Variants in ARMC6 observed in about 807,000 individuals in gnomAD.
The protein encoded by ARMC6 is armadillo repeat-containing protein 6.
A neutral mutation model predicts 49.2 loss-of-function variants in ARMC6; 43 were observed. That is an observed-to-expected ratio of 0.87 (90% CI 0.69 to 1.13). The LOEUF is 1.13. ARMC6 is among the 50% of genes most tolerant of loss of function. The pLI is 0.00. For missense variants in ARMC6, 627 were observed against 682.0 expected, an observed-to-expected ratio of 0.92 and a Z score of 0.90; for synonymous variants, 262 against 289.6, an observed-to-expected ratio of 0.90 and a Z score of 0.97.
At chr19:19,045,426 A>G (rs1217046646) in intron 4 of ARMC6, among the ~76,000 whole-genome samples, 1 of 151,596 alleles carries the variant, frequency 6.6e-6, no homozygotes, top group African/African-American at 2.4e-5. Context: ...CTCAATAACA[A>G]TATCGTCTAT....
chr19:19,054,761 C>T lies in ARMC6; in HGVS notation c.1023+440C>T, dbSNP rs531647429. Among the ~76,000 whole-genome samples the T allele has an allele frequency of 2.6e-5, 4 of 152,318 alleles. No homozygotes were observed. The South Asian group carries it at 6.2e-4, about 24-fold the overall frequency. ...TGCAGGAAAGCCCCCAGGGGTGCCA[C>T]GGTCCTGCGCCCCCAAGCCCAGCTG... On this transcript the variant is annotated intron_variant, in intron 6 of 8. Coordinates refer to ENST00000535612, the MANE Select transcript of ARMC6 (RefSeq NM_001199196.2).
At position 19,055,138 on chromosome 19, in the gene ARMC6, T is replaced by G; in HGVS notation, c.1024-127T>G. The G allele has an allele frequency of 8.0e-7, 1 of 1,255,440 alleles. No homozygotes were observed. Among genetic ancestry groups the G allele is most frequent in the Non-Finnish European group, 1.1e-6 (1 of 936,676 alleles). 77.8% of individuals were successfully genotyped at this position (1,255,440 alleles called of 1,614,324 possible). A position where few individuals can be genotyped will look rare whatever the true frequency, so the allele number is the denominator to read the frequency against. ...CACAGGCATCTGCCACCCCTTCTCGTTAGTCACACCCTGCAGTCACACCAT... is the reference window on the plus strand; with the variant it reads ...CACAGGCATCTGCCACCCCTTCTCGGTAGTCACACCCTGCAGTCACACCAT... On this transcript the variant is annotated intron_variant, in intron 6 of 8. Transcript: ENST00000535612. The surrounding 1 kb of genome is among the most constrained non-coding windows in gnomAD (Gnocchi z 5.7).
At position 19,057,649 on chromosome 19, in the gene ARMC6, G is replaced by A. The variant is rs370672865; in HGVS notation, c.*21G>A. ...CATGACCCCAGGCCCAGTCTGGGCC[G>A]TGACTCTGGGTGAGTCGTGTGACTC... On this transcript the variant is annotated 3_prime_UTR_variant, in exon 9 of 9. Coordinates refer to ENST00000535612, the MANE Select transcript of ARMC6 (RefSeq NM_001199196.2). The A allele has an allele frequency of 1.2e-5, 19 of 1,605,976 alleles. No homozygotes were observed. Among genetic ancestry groups the A allele is most frequent in the African/African-American group, 1.1e-4 (8 of 74,968 alleles).
At chr19:19,040,026 C>T (rs1467464712) in intron 2 of ARMC6, among the ~76,000 whole-genome samples, 2 of 152,194 alleles carry the variant, frequency 1.3e-5, no homozygotes, top group Non-Finnish European at 2.9e-5. Flanking sequence ...AGCCACACTG[C>T]CACACTTCAG....
At chr19:19,054,020 T>C in intron 5 of ARMC6, 132 bp from the exon 6 acceptor site, 1 of 883,078 alleles carries the variant, frequency 1.1e-6, no homozygotes, top group South Asian at 2.9e-5. Context: ...CCCTGGGGCC[T>C]TCCTGGTGCC....
Position 19,046,658 on chromosome 19 carries a change from C to T in ARMC6, c.279+2584C>T, listed in dbSNP as rs202212153. The stretch of plus-strand genomic sequence containing the variant: ...TACAGGCGTGCACCACCACGCCCAG[C>T]GGATTTTTGTATTTTTAGTAGAGAT... On this transcript the variant is annotated intron_variant, in intron 4 of 8. Coordinates refer to ENST00000535612, the MANE Select transcript of ARMC6 (RefSeq NM_001199196.2). Among the ~76,000 whole-genome samples the T allele has an allele frequency of 8.6e-5, 13 of 151,894 alleles. No homozygotes were observed. In the East Asian group the frequency reaches 2.3e-3, roughly 27 times the overall value.
Position 19,057,653 on chromosome 19 carries a change from C to A in ARMC6, c.*25C>A. ...ACCCCAGGCCCAGTCTGGGCCGTGA[C>A]TCTGGGTGAGTCGTGTGACTCAGGA... On this transcript the variant is annotated 3_prime_UTR_variant, in exon 9 of 9. Coordinates refer to ENST00000535612, the MANE Select transcript of ARMC6 (RefSeq NM_001199196.2). The A allele has an allele frequency of 6.2e-7, 1 of 1,606,404 alleles. No homozygotes were observed.
At chr19:19,052,774 C>A (rs1364405394) in intron 5 of ARMC6, among the ~76,000 whole-genome samples, 1 of 152,128 alleles carries the variant, frequency 6.6e-6, no homozygotes. Context: ...AGGATGAGTT[C>A]CCCTTTCTTG....
chr19:19,045,367 A>G (rs2059440929), intron 4 of ARMC6, among the ~76,000 whole-genome samples: 1 of 152,026 alleles, frequency 6.6e-6, no homozygotes, highest in African/African-American at 2.4e-5. Flanking sequence ...GCATTGGGTG[A>G]TTCATCTTTT....
intron 4 of ARMC6, among the ~76,000 whole-genome samples, chr19:19,045,490 A>ATTTTTTTTTTTTTTTTTTTTTTTTT (rs1355279150): frequency 1.1e-4 from 3 of 28,220 alleles, no homozygotes; most frequent in African/African-American, 4.2e-4. Context: ...ATTATGCTAA[A>ATTTTTTTTTTTTTTTTTTTTTTTTT]TTCTTTTTTT....
In ARMC6 at chr19:19,057,560, C is replaced by T. The variant is rs370350313; in HGVS notation, c.1438C>T (p.Arg480Trp). 28 of 1,613,630 alleles carry T rather than the reference C, an allele frequency of 1.7e-5. No homozygotes were observed. Among genetic ancestry groups the T allele is most frequent in the Admixed American group, 6.7e-5 (4 of 59,972 alleles). Residue 480 changes from arginine (R) to tryptophan (W), a missense_variant, in exon 9 of 9, where the codon CGG becomes TGG. Transcript: ENST00000535612. ...DCEDVAKAAL[R>W]DLGCHVELRE... ...TGAGGACGTGGCCAAGGCCGCCCTG[C>T]GGGACCTGGGTTGTCATGTCGAGCT...
At chr19:19,036,983 C>T (rs898837605) in intron 2 of ARMC6, among the ~76,000 whole-genome samples, 1 of 151,802 alleles carries the variant, frequency 6.6e-6, no homozygotes, top group Non-Finnish European at 1.5e-5. Flanking sequence ...GTCAGGAGTT[C>T]GAGACTAGCC....
intron 4 of ARMC6, among the ~76,000 whole-genome samples, chr19:19,051,375 C>CTCTGTGTGTGTGTG (rs372606082): frequency 5.0e-5 from 7 of 139,762 alleles, no homozygotes; most frequent in Middle Eastern, 3.5e-3. Flanking sequence ...CTCTCTCTCT[C>CTCTGTGTGTGTGTG]TGTGTGTGTG....
chr19:19,037,021 A>G (rs1008418396), intron 2 of ARMC6, among the ~76,000 whole-genome samples: 3 of 152,050 alleles, frequency 2.0e-5, no homozygotes, highest in Non-Finnish European at 2.9e-5. Context: ...CCCTGTCTCT[A>G]CTAAAAATAC....
intron 5 of ARMC6, 105 bp from the exon 6 acceptor site, chr19:19,054,046 AG>A (rs2059522133): frequency 8.2e-7 from 1 of 1,215,142 alleles, no homozygotes; most frequent in Non-Finnish European, 1.1e-6. Flanking sequence ...CCACTCCAAT[AG>A]GCAGAAGGGC....
chr19:19,035,192 G>T (rs2059348107), intron 2 of ARMC6, among the ~76,000 whole-genome samples: 2 of 152,150 alleles, frequency 1.3e-5, no homozygotes, highest in Non-Finnish European at 2.9e-5. Flanking sequence ...TTTCAGTAGA[G>T]ACAGGATTTT....
At chr19:19,037,615 C>T (rs888321354) in intron 2 of ARMC6, 7 of 1,245,230 alleles carry the variant, frequency 5.6e-6, no homozygotes, top group Middle Eastern at 2.2e-4. Flanking sequence ...ATCCTTCCGC[C>T]TCGGCCTCCC....
At position 19,045,493 on chromosome 19, in the gene ARMC6, C is replaced by CTTTTTTTTTTTTT. The variant is rs11270900; in HGVS notation, c.279+1430_279+1431insTTTTTTTTTTTTT. Among the ~76,000 whole-genome samples, 19 of 89,116 alleles carry CTTTTTTTTTTTTT rather than the reference C, an allele frequency of 2.1e-4. 4 individuals are homozygous for CTTTTTTTTTTTTT. The highest frequency in any genetic ancestry group is 2.2e-4 in the Non-Finnish European group (11 of 49,284). 58.5% of individuals were successfully genotyped at this position (89,116 alleles called of 152,430 possible). A position where few individuals can be genotyped will look rare whatever the true frequency, so the allele number is the denominator to read the frequency against. On this transcript the variant is annotated intron_variant, in intron 4 of 8. Transcript: ENST00000535612. ...TAAGTGCTCAGCATTATGCTAAATT[C>CTTTTTTTTTTTTT]TTTTTTTTTTTGAGACAAGAGTCTC... is the stretch of plus-strand genomic sequence containing the variant.
At chr19:19,043,950 T>A (rs370115654) in intron 3 of ARMC6, 42 bp from the exon 4 acceptor site, 1 of 1,580,718 alleles carries the variant, frequency 6.3e-7, no homozygotes, top group Admixed American at 1.7e-5. Flanking sequence ...GCTGTCACTT[T>A]CTTTCTGACC....
Sources: gnomAD v4.1 joint callset for allele counts (sites outside exome capture counted in the v4.1 genomes callset) on GRCh38, gnomAD v4.1.1 for gene constraint, Gnocchi (gnomAD v3.1) non-coding constraint, MANE v1.5 for transcripts, NCBI Gene and HGNC (gene_info 2026-07-23, HGNC 2026-07-21) for gene names.